The following MKLN1 variants were observed in gnomAD, a reference collection of about 807,000 sequenced individuals.
MKLN1 encodes muskelin 1.
In MKLN1, 18 loss-of-function variants were observed where a neutral mutation model predicts 99.0. The ratio of observed to expected loss-of-function variants is 0.18; its 90% CI spans 0.13 to 0.27. MKLN1 has a LOEUF of 0.27. Ranked by LOEUF, MKLN1 falls within the 10% of genes least tolerant of loss-of-function variation. MKLN1 has a pLI of 1.00. For missense variants in MKLN1, 621 were observed against 875.9 expected (o/e 0.71, Z 3.67); for synonymous variants, 288 against 293.2 (o/e 0.98, Z 0.18).
intron 3 of MKLN1, among the ~76,000 whole-genome samples, chr7:131,208,740 T>C (rs767606336): frequency 2.6e-5 from 4 of 152,232 alleles, no homozygotes; most frequent in Non-Finnish European, 4.4e-5. Flanking sequence ...TGCCTTCATC[T>C]GGGTGCTAGG....
In MKLN1 at chr7:131,305,833, C is replaced by T. The variant is rs548796866; in HGVS notation, c.-178-69591C>T. On this transcript the variant is annotated intron_variant, in intron 3 of 7. Transcript: ENST00000416992. ...GGAAAAGAGAGTGGATAGCGACAAA[C>T]CAAACACAATGAGTTATTCTCTCTC... Among the ~76,000 whole-genome samples the T allele has an allele frequency of 1.1e-4, 16 of 152,254 alleles. 1 individual carries two copies. The South Asian group carries it at 2.7e-3, about 26-fold the overall frequency.
intron 3 of MKLN1, among the ~76,000 whole-genome samples, chr7:131,247,955 G>A (rs1797518727): frequency 6.6e-6 from 1 of 152,158 alleles, no homozygotes; most frequent in Non-Finnish European, 1.5e-5. Flanking sequence ...TTGGAGTGCA[G>A]TGGCACCATC....
intron 3 of MKLN1, among the ~76,000 whole-genome samples, chr7:131,241,640 A>C (rs1797405677): frequency 6.6e-6 from 1 of 152,202 alleles, no homozygotes; most frequent in Non-Finnish European, 1.5e-5. Flanking sequence ...CCTGGGTGAG[A>C]TCTTGTCTAA....
chr7:131,378,795 A>G (rs931216744), intron 2 of MKLN1, among the ~76,000 whole-genome samples: 22 of 151,762 alleles, frequency 1.4e-4, no homozygotes, highest in Non-Finnish European at 2.5e-4. Context: ...ATGCCACTGC[A>G]CTCCAGCCTG....
intron 16 of MKLN1, chr7:131,471,655 C>T (rs956129876): frequency 6.6e-6 from 1 of 152,326 alleles, no homozygotes; most frequent in African/African-American, 2.4e-5. Flanking sequence ...CCTTGTTCAT[C>T]TAGCAATATC....
At chr7:131,389,488 A>G (rs956526389) in intron 4 of MKLN1, among the ~76,000 whole-genome samples, 3 of 152,074 alleles carry the variant, frequency 2.0e-5, no homozygotes, top group South Asian at 2.1e-4. Context: ...ATGCTGGTCA[A>G]ACCCATTAAA....
intron 6 of MKLN1, among the ~76,000 whole-genome samples, chr7:131,409,798 C>T (rs547561782): frequency 2.6e-5 from 4 of 152,288 alleles, no homozygotes; most frequent in African/African-American, 9.6e-5. Context: ...TATTGTAGCA[C>T]ATAGCAAGAA....
chr7:131,418,461 A>G (rs1795091795), intron 8 of MKLN1, among the ~76,000 whole-genome samples: 1 of 152,032 alleles, frequency 6.6e-6, no homozygotes, highest in African/African-American at 2.4e-5. Context: ...ATTGTCTTGG[A>G]CCACACATAA....
intron 3 of MKLN1, among the ~76,000 whole-genome samples, chr7:131,216,602 G>A (rs1329523085): frequency 6.6e-6 from 1 of 152,080 alleles, no homozygotes; most frequent in African/African-American, 2.4e-5. Context: ...ATTTTGTAAA[G>A]GATTACAGAA....
At chr7:131,159,116 C>T (rs1004509831) in intron 2 of MKLN1, among the ~76,000 whole-genome samples, 4 of 152,112 alleles carry the variant, frequency 2.6e-5, no homozygotes, top group African/African-American at 9.7e-5. Flanking sequence ...ATCGCCTGAG[C>T]CCGGAGGTGG....
chr7:131,478,773 C>T, intron 17 of MKLN1, 96 bp downstream of exon 17: 1 of 1,351,990 alleles, frequency 7.4e-7, no homozygotes, highest in Non-Finnish European at 1.0e-6. Flanking sequence ...TGAGATGTTT[C>T]AGTCAAATAG....
At chr7:131,339,909 T>C in intron 1 of MKLN1, among the ~76,000 whole-genome samples, 1 of 146,466 alleles carries the variant, frequency 6.8e-6, no homozygotes, top group African/African-American at 2.5e-5. Flanking sequence ...ATATTCCTAC[T>C]TTTTTTTTTA....
In MKLN1 at chr7:131,189,055, A is replaced by T. The variant is rs189533159; in HGVS notation, c.-296-13802A>T. On this transcript the variant is annotated intron_variant, in intron 2 of 7. Transcript: ENST00000416992. ...TTGATGAATTTCACCAGGGAATCAGACTCAGTTTTAATGGGTTAAAGGGAT... is the reference window on the plus strand; with the variant it reads ...TTGATGAATTTCACCAGGGAATCAGTCTCAGTTTTAATGGGTTAAAGGGAT... 2.6e-5 allele frequency among the ~76,000 whole-genome samples: 4 copies of T among 152,282 alleles called. No individual in the cohort carries two copies. In the East Asian group the frequency reaches 7.7e-4, roughly 29 times the overall value.
chr7:131,187,859 G>A (rs1402609024), intron 2 of MKLN1, among the ~76,000 whole-genome samples: 1 of 152,162 alleles, frequency 6.6e-6, no homozygotes, highest in Non-Finnish European at 1.5e-5. Flanking sequence ...GGGAGGCTGA[G>A]GCAGGAAAAT....
chr7:131,440,476 A>G (rs1363322477), intron 10 of MKLN1, among the ~76,000 whole-genome samples: 1 of 152,192 alleles, frequency 6.6e-6, no homozygotes, highest in Non-Finnish European at 1.5e-5. Context: ...ACTCAATTAC[A>G]TATGAAAAAC....
chr7:131,452,773 T>C (rs1411927446), intron 12 of MKLN1, among the ~76,000 whole-genome samples: 1 of 152,040 alleles, frequency 6.6e-6, no homozygotes, highest in Non-Finnish European at 1.5e-5. Context: ...ATGGTCTTGA[T>C]CTCTTGACCT....
intron 1 of MKLN1, among the ~76,000 whole-genome samples, chr7:131,371,779 T>C (rs1237575121): frequency 6.6e-6 from 1 of 151,172 alleles, no homozygotes; most frequent in Non-Finnish European, 1.5e-5. Context: ...TATATATATA[T>C]ATACACTTAA....
intron 1 of MKLN1, among the ~76,000 whole-genome samples, chr7:131,125,649 T>C (rs1372184497): frequency 6.6e-6 from 1 of 152,152 alleles, no homozygotes; most frequent in East Asian, 1.9e-4. Context: ...GGCAGGAAGA[T>C]TCCTTGAGGT....
chr7:131,478,592 CTTCTT>C, intron 16 of MKLN1, 26 bp from the exon 17 acceptor site: 1 of 1,138,304 alleles, frequency 8.8e-7, no homozygotes, highest in East Asian at 2.9e-5. Flanking sequence ...TAATTTGCTG[CTTCTT>C]TTTTTTTTTT....
Sources: allele counts gnomAD v4.1 joint callset (sites outside exome capture counted in the v4.1 genomes callset), GRCh38; gene constraint gnomAD v4.1.1; transcripts MANE v1.5; gene names NCBI Gene and HGNC (gene_info 2026-07-23, HGNC 2026-07-21).